CASD1: variants seen among roughly 807,000 people sequenced by gnomAD.
CASD1 encodes CAS1 domain sialic acid O acetyltransferase 1.
Under a neutral mutation model 100.0 loss-of-function variants are expected in CASD1, and 41 were observed. The ratio of observed to expected loss-of-function variants is 0.41; its 90% confidence interval spans 0.32 to 0.53. The LOEUF is 0.53. CASD1 is among the 20% of genes least tolerant of loss of function. The pLI is 0.25. For synonymous variants in CASD1, 321 were observed against 315.6 expected (o/e 1.02, Z -0.18); for missense variants, 774 against 948.7 (o/e 0.82, Z 2.42).
chr7:94,577,419 CAG>C, the CASD1 span, among the ~76,000 whole-genome samples: 1 of 152,148 alleles, frequency 6.6e-6, no homozygotes, highest in Non-Finnish European at 1.5e-5. Context: ...AATAATTAAA[CAG>C]ATATTTTCTT....
In CASD1 at chr7:94,551,431, A is replaced by G. The variant is rs752560030; in HGVS notation, c.1909A>G (p.Asn637Asp). The stretch of plus-strand genomic sequence containing the variant: ...AGGAAAGGGTGAACCTCTTTTTTCA[A>G]ACAAAATTTCAAATTTTCTGTTGTT... ...SEGKGEPLFSNKISNFLLFIS... is the reference protein window; with the variant it reads ...SEGKGEPLFSDKISNFLLFIS... Residue 637 changes from asparagine (N) to aspartate (D), a missense_variant, in exon 15 of 18, where the codon AAC (asparagine) becomes GAC (aspartate). By Grantham distance (23) the Asn-to-Asp change is conservative. Coordinates refer to ENST00000297273, the MANE Select transcript of CASD1 (RefSeq NM_022900.5). The G allele has an allele frequency of 3.9e-6, 6 of 1,535,762 alleles. No homozygotes were observed. In the African/African-American group the frequency reaches 7.1e-5, roughly 18 times the overall value.
At chr7:94,614,107 CAAA>C in the CASD1 span, among the ~76,000 whole-genome samples, 19 of 94,964 alleles carry the variant, frequency 2.0e-4, no homozygotes, top group Non-Finnish European at 3.6e-4. Context: ...AAATTGAAAT[CAAA>C]AAAAAAAAAA....
chr7:94,588,038 G>A, the CASD1 span: 3 of 1,371,750 alleles, frequency 2.2e-6, no homozygotes, highest in African/African-American at 1.5e-5. Flanking sequence ...TTAGAACTAG[G>A]AATCAACCAC....
intron 10 of CASD1, among the ~76,000 whole-genome samples, chr7:94,539,271 C>A (rs114673940): frequency 0.015 from 2,218 of 152,082 alleles, 49 homozygotes; most frequent in African/African-American, 0.051. Context: ...GCAATAATTG[C>A]TTTGTATTTG....
chr7:94,595,707 A>G, the CASD1 span, among the ~76,000 whole-genome samples: 1 of 152,118 alleles, frequency 6.6e-6, no homozygotes, highest in East Asian at 1.9e-4. Flanking sequence ...TTTTCTGGTA[A>G]AAAGTAAAAG....
chr7:94,631,323 C>T, the CASD1 span, among the ~76,000 whole-genome samples: 1 of 151,390 alleles, frequency 6.6e-6, no homozygotes, highest in South Asian at 2.1e-4. Flanking sequence ...CAGTTTGATA[C>T]CACAATGTAC....
the CASD1 span, among the ~76,000 whole-genome samples, chr7:94,614,420 T>C: frequency 6.6e-6 from 1 of 152,198 alleles, no homozygotes; most frequent in African/African-American, 2.4e-5. Flanking sequence ...TCCCTAATGC[T>C]TCAGGATGAA....
At chr7:94,582,633 T>A in the CASD1 span, among the ~76,000 whole-genome samples, 1 of 152,230 alleles carries the variant, frequency 6.6e-6, no homozygotes, top group Non-Finnish European at 1.5e-5. Flanking sequence ...TTTCTTTTCA[T>A]CTTAGCATTT....
chr7:94,533,969 G>T (rs939256339), intron 7 of CASD1, among the ~76,000 whole-genome samples, 167 bp downstream of exon 7: 9 of 151,982 alleles, frequency 5.9e-5, no homozygotes, highest in Non-Finnish European at 7.4e-5. Flanking sequence ...TTTTTCAAAT[G>T]TAAGGAACAA....
chr7:94,610,592 T>A, the CASD1 span, among the ~76,000 whole-genome samples: 1 of 152,104 alleles, frequency 6.6e-6, no homozygotes, highest in African/African-American at 2.4e-5. Flanking sequence ...TGACCTTGGA[T>A]TAGGCAATGA....
At chr7:94,610,442 G>T in the CASD1 span, among the ~76,000 whole-genome samples, 3 of 152,070 alleles carry the variant, frequency 2.0e-5, no homozygotes, top group Non-Finnish European at 4.4e-5. Context: ...TGGGGGAGGC[G>T]ATGCAAAAGC....
intron 1 of CASD1, among the ~76,000 whole-genome samples, chr7:94,511,919 G>A (rs1793730622): frequency 6.6e-6 from 1 of 152,170 alleles, no homozygotes; most frequent in Admixed American, 6.5e-5. Context: ...TGTTTATAAA[G>A]CCTTCTCCAG....
intron 3 of CASD1, 61 bp from the exon 4 acceptor site, chr7:94,527,101 G>T: frequency 8.0e-7 from 1 of 1,245,702 alleles, no homozygotes; most frequent in South Asian, 1.3e-5. Context: ...CAGCTAAATG[G>T]GGCATTTTTT....
At chr7:94,580,791 C>A in the CASD1 span, among the ~76,000 whole-genome samples, 1 of 152,212 alleles carries the variant, frequency 6.6e-6, no homozygotes, top group Non-Finnish European at 1.5e-5. Flanking sequence ...TCTTCGCATA[C>A]CAGCACTGAA....
At chr7:94,608,434 A>C in the CASD1 span, among the ~76,000 whole-genome samples, 1 of 152,218 alleles carries the variant, frequency 6.6e-6, no homozygotes, top group African/African-American at 2.4e-5. Flanking sequence ...GACCTAAATA[A>C]ATGGAGAGAT....
the CASD1 span, among the ~76,000 whole-genome samples, chr7:94,631,842 T>C: frequency 6.6e-6 from 1 of 152,052 alleles, no homozygotes; most frequent in Non-Finnish European, 1.5e-5. Flanking sequence ...CAGAGAACAT[T>C]ACAAATAATC....
chr7:94,541,587 G>T (rs376140743), intron 10 of CASD1, among the ~76,000 whole-genome samples: 1 of 104,532 alleles, frequency 9.6e-6, no homozygotes. Context: ...GAGTTTGTAA[G>T]TAACTTCCAT....
chr7:94,528,553 C>T (rs575539610), intron 5 of CASD1, among the ~76,000 whole-genome samples: 30 of 152,260 alleles, frequency 2.0e-4, no homozygotes, highest in Admixed American at 3.3e-4. Context: ...AGGTGATCTT[C>T]CCAGCACAGT....
intron 15 of CASD1, 129 bp from the exon 16 acceptor site, chr7:94,552,221 C>T (rs1795983968): frequency 1.5e-6 from 1 of 661,946 alleles, no homozygotes; most frequent in Admixed American, 3.2e-5. Flanking sequence ...GCAGTTTTTA[C>T]TGATAGTTTT....
Sources: allele counts gnomAD v4.1 joint callset (sites outside exome capture counted in the v4.1 genomes callset), GRCh38; gene constraint gnomAD v4.1.1; transcripts MANE v1.5; gene names NCBI Gene and HGNC (gene_info 2026-07-23, HGNC 2026-07-21).